The following PFKFB3 variants were observed in gnomAD, a reference collection of about 807,000 sequenced individuals.
The protein encoded by PFKFB3 is 6-phosphofructo-2-kinase/fructose-2,6-bisphosphatase 3.
PFKFB3 carries 33 observed loss-of-function variants against 68.0 expected under a neutral mutation model. The observed-to-expected ratio is 0.49, with a 90% confidence interval of 0.37 to 0.65. The LOEUF is 0.65. Among genes scored for constraint, PFKFB3 ranks in the 30% least tolerant of loss-of-function variants. The pLI is 0.00. For synonymous variants in PFKFB3, 315 were observed against 288.2 expected, an observed-to-expected ratio of 1.09 and a Z score of -0.94; for missense variants, 586 against 712.2, an observed-to-expected ratio of 0.82 and a Z score of 2.02.
intron 14 of PFKFB3, among the ~76,000 whole-genome samples, chr10:6,246,046 C>T (rs1846251624): frequency 6.6e-6 from 1 of 152,158 alleles, no homozygotes; most frequent in Admixed American, 6.5e-5. Context: ...CTATGCAATC[C>T]CTTTAGCCTC....
chr10:6,177,287 A>G (rs946276329), intron 1 of PFKFB3, among the ~76,000 whole-genome samples: 1 of 152,044 alleles, frequency 6.6e-6, no homozygotes, highest in African/African-American at 2.4e-5. Context: ...TGCTCACCAG[A>G]TTGCTTTTTC....
Position 6,218,755 on chromosome 10 carries a change from G to T in PFKFB3, c.499-814G>T, listed in dbSNP as rs139342879. Among the ~76,000 whole-genome samples, 578 of 152,226 alleles carry T rather than the reference G, an allele frequency of 3.8e-3. 14 individuals are homozygous for T. In the East Asian group the frequency reaches 0.05, roughly 13 times the overall value. ...GCCATTTTAGCTATTTTTTAAGTGT[G>T]CAGTACAGCAGCAAATTATATTCCC... is the stretch of plus-strand genomic sequence containing the variant. On this transcript the variant is annotated intron_variant, in intron 6 of 14. Coordinates refer to ENST00000379775, the MANE Select transcript of PFKFB3 (RefSeq NM_004566.4).
chr10:6,146,562 C>T, intron 1 of PFKFB3: 4 of 1,409,642 alleles, frequency 2.8e-6, no homozygotes, highest in Non-Finnish European at 3.9e-6. Context: ...TCCCCCCCTA[C>T]TCATTAACTG....
intron 1 of PFKFB3, among the ~76,000 whole-genome samples, chr10:6,208,597 C>T (rs1332883815): frequency 1.3e-5 from 2 of 152,046 alleles, no homozygotes; most frequent in Non-Finnish European, 2.9e-5. Context: ...GAAATCCCTG[C>T]CTTATCCCTG....
chr10:6,320,036 C>A, the PFKFB3 span, among the ~76,000 whole-genome samples: 1 of 151,700 alleles, frequency 6.6e-6, no homozygotes, highest in African/African-American at 2.4e-5. Context: ...CTGTCTCCAC[C>A]GAAAAAATAC....
intron 13 of PFKFB3, among the ~76,000 whole-genome samples, chr10:6,224,912 C>T (rs888667955): frequency 1.3e-5 from 2 of 149,594 alleles, no homozygotes; most frequent in African/African-American, 2.5e-5. Flanking sequence ...CCGCCATGTG[C>T]TTGTGATTAG....
At chr10:6,304,029 C>T in the PFKFB3 span, among the ~76,000 whole-genome samples, 7 of 152,028 alleles carry the variant, frequency 4.6e-5, no homozygotes, top group Non-Finnish European at 8.8e-5. Context: ...GTCCCTGAGT[C>T]ACCATGTGGA....
At chr10:6,200,566 C>T (rs10905981), upstream of PFKFB3, among the ~76,000 whole-genome samples, 81,925 of 149,368 alleles carry the variant, frequency 0.55, 22,810 homozygotes, top group East Asian at 0.7. Context: ...GTAAAGGCTG[C>T]CAGGAGTTCT....
intron 10 of PFKFB3, 27 bp downstream of exon 10, chr10:6,221,772 G>T: frequency 6.8e-7 from 1 of 1,469,694 alleles, no homozygotes; most frequent in South Asian, 1.2e-5. Flanking sequence ...GCGGGCTGAC[G>T]GTCCCCAGCA....
rs533021147 is a variant in PFKFB3 at position 6,213,997 on chromosome 10, C to T, written c.202+249C>T. 8.5e-5 allele frequency among the ~76,000 whole-genome samples: 13 copies of T among 152,206 alleles called. No individual in the cohort carries two copies. In the East Asian group the frequency reaches 2.1e-3, roughly 25 times the overall value. Reference sequence around the variant, plus strand: ...AGTCCTGCCCCGACTCAGATTTCACCTCCTTCAAAGCCATCTCCAGCCACC... The same window carrying T: ...AGTCCTGCCCCGACTCAGATTTCACTTCCTTCAAAGCCATCTCCAGCCACC... On this transcript the variant is annotated intron_variant, in intron 2 of 14. Transcript: ENST00000379775.
chr10:6,170,718 G>A (rs1225405829), intron 1 of PFKFB3, among the ~76,000 whole-genome samples: 1 of 151,908 alleles, frequency 6.6e-6, no homozygotes, highest in Non-Finnish European at 1.5e-5. Flanking sequence ...TGGAGGTGGA[G>A]ACAATGTATG....
At chr10:6,323,465 C>T in the PFKFB3 span, among the ~76,000 whole-genome samples, 1 of 152,222 alleles carries the variant, frequency 6.6e-6, no homozygotes, top group Non-Finnish European at 1.5e-5. Context: ...AAGTAGGGTT[C>T]TCATATCCTG....
At chr10:6,313,030 G>A in the PFKFB3 span, among the ~76,000 whole-genome samples, 3 of 152,262 alleles carry the variant, frequency 2.0e-5, no homozygotes, top group East Asian at 3.9e-4. This position sits in a 1 kb window ranked among gnomAD's most constrained non-coding sequence, Gnocchi z 4.2. Flanking sequence ...TGAACTGGGG[G>A]GTAGAATACT....
chr10:6,284,444 C>G, the PFKFB3 span, among the ~76,000 whole-genome samples: 5 of 152,092 alleles, frequency 3.3e-5, no homozygotes, highest in Non-Finnish European at 5.9e-5. Context: ...CCTCTTTATT[C>G]CTGATAATTT....
At chr10:6,232,555 A>T (rs2132053293) in intron 14 of PFKFB3, among the ~76,000 whole-genome samples, 1 of 151,938 alleles carries the variant, frequency 6.6e-6, no homozygotes, top group South Asian at 2.1e-4. Context: ...GGTTTGTGGG[A>T]TTTCTATGGG....
chr10:6,293,279 A>C, the PFKFB3 span: 1 of 413,864 alleles, frequency 2.4e-6, no homozygotes, highest in Non-Finnish European at 4.8e-6. Flanking sequence ...GATTTCACAG[A>C]TGTTGTGTTC....
rs1564633716 is a variant in PFKFB3, at chr10:6,220,829, C to CG, written c.800dup (p.Asp268ArgfsTer56). 6.2e-7 allele frequency: 1 copy of CG among 1,613,134 alleles called. No homozygotes were observed. Among genetic ancestry groups the CG allele is most frequent in the Non-Finnish European group, 8.5e-7 (1 of 1,180,010 alleles). ...ACGAGCACAACCTCCAGGGCCGCAT[C>CG]GGGGGCGACTCAGGCCTGTCCAGCC... On this transcript the variant is annotated frameshift_variant, in exon 8 of 15. Coordinates refer to ENST00000379775, the MANE Select transcript of PFKFB3 (RefSeq NM_004566.4). LOFTEE classifies it high-confidence loss of function. This position sits in a 1 kb window ranked among gnomAD's most constrained non-coding sequence, Gnocchi z 4.1.
At chr10:6,153,685 T>C (rs542518008) in intron 1 of PFKFB3, among the ~76,000 whole-genome samples, 2 of 152,176 alleles carry the variant, frequency 1.3e-5, no homozygotes, top group African/African-American at 4.8e-5. Flanking sequence ...GAAACCCCTG[T>C]CTCTACTGAA....
chr10:6,197,299 A>C (rs1320027011), intron 1 of PFKFB3, among the ~76,000 whole-genome samples: 1 of 152,176 alleles, frequency 6.6e-6, no homozygotes, highest in Admixed American at 6.5e-5. Flanking sequence ...TTCTATGTTT[A>C]GATATACAAA....
Sources: gnomAD v4.1 joint callset for allele counts (sites outside exome capture counted in the v4.1 genomes callset) on GRCh38, gnomAD v4.1.1 for gene constraint, Gnocchi (gnomAD v3.1) non-coding constraint, MANE v1.5 for transcripts, NCBI Gene and HGNC (gene_info 2026-07-23, HGNC 2026-07-21) for gene names.